The following CWC27 variants were observed in gnomAD, a reference collection of about 807,000 sequenced individuals.
The protein encoded by CWC27 is CWC27 spliceosome associated cyclophilin.
A neutral mutation model predicts 63.6 loss-of-function variants in CWC27; 47 were observed. That is an observed-to-expected ratio of 0.74 (90% CI 0.58 to 0.94). CWC27 has a LOEUF of 0.94. Ranked by LOEUF, CWC27 falls within the 40% of genes least tolerant of loss-of-function variation. CWC27 has a pLI of 0.00. For missense variants in CWC27, 495 were observed against 554.3 expected (o/e 0.89, Z 1.07); for synonymous variants, 175 against 179.8 (o/e 0.97, Z 0.22).
At chr5:64,803,378 A>G (rs954916445) in intron 9 of CWC27, among the ~76,000 whole-genome samples, 2 of 152,236 alleles carry the variant, frequency 1.3e-5, no homozygotes, top group Middle Eastern at 3.2e-3. Flanking sequence ...AGCAGTAAGC[A>G]AAACAGGCCA....
intron 10 of CWC27, among the ~76,000 whole-genome samples, chr5:64,836,506 A>C (rs1580658144): frequency 6.6e-6 from 1 of 152,010 alleles, no homozygotes; most frequent in Non-Finnish European, 1.5e-5. Flanking sequence ...CTTTAATAAT[A>C]CTACTGTTTG....
At chr5:64,993,520 G>C (rs1245846216) in intron 13 of CWC27, among the ~76,000 whole-genome samples, 1 of 152,016 alleles carries the variant, frequency 6.6e-6, no homozygotes, top group Non-Finnish European at 1.5e-5. Context: ...GCTGAATCCA[G>C]ATTACAAAAT....
chr5:64,792,672 C>A (rs1054387068), intron 7 of CWC27, among the ~76,000 whole-genome samples: 4 of 152,088 alleles, frequency 2.6e-5, no homozygotes, highest in African/African-American at 9.7e-5. Context: ...CAACATTATA[C>A]CCTTTACTTT....
chr5:64,900,953 C>T (rs1005606187), intron 11 of CWC27, among the ~76,000 whole-genome samples: 8 of 152,008 alleles, frequency 5.3e-5, no homozygotes, highest in Non-Finnish European at 4.4e-5. Context: ...TGTGCCCCAA[C>T]ACAAATTCAT....
intron 3 of CWC27, 117 bp from the exon 4 acceptor site, chr5:64,783,719 A>T: frequency 1.2e-6 from 1 of 843,872 alleles, no homozygotes. Flanking sequence ...AAATCAATTA[A>T]GTAAAATGTC....
intron 11 of CWC27, among the ~76,000 whole-genome samples, chr5:64,966,165 ATG>A (rs999205998): frequency 7.9e-5 from 12 of 152,216 alleles, no homozygotes; most frequent in African/African-American, 2.9e-4. Flanking sequence ...CACTTTTAGA[ATG>A]TGTATAGCTT....
intron 11 of CWC27, among the ~76,000 whole-genome samples, chr5:64,891,673 T>G (rs1373751856): frequency 2.0e-5 from 3 of 152,212 alleles, no homozygotes; most frequent in African/African-American, 7.2e-5. Context: ...CATATTTAAT[T>G]TTTATGAGCA....
intron 11 of CWC27, among the ~76,000 whole-genome samples, chr5:64,946,483 T>C (rs995030905): frequency 1.3e-5 from 2 of 152,156 alleles, no homozygotes; most frequent in South Asian, 2.1e-4. Context: ...GTGGATAAAA[T>C]AGATGTGCAT....
chr5:64,993,329 A>G (rs3776051), intron 13 of CWC27, among the ~76,000 whole-genome samples: 45,066 of 151,814 alleles, frequency 0.3, 7,439 homozygotes, highest in East Asian at 0.45. Flanking sequence ...TGATCTAATA[A>G]CCTCTAAGTA....
intron 11 of CWC27, among the ~76,000 whole-genome samples, chr5:64,926,445 C>T (rs1391962296): frequency 6.6e-6 from 1 of 151,590 alleles, no homozygotes; most frequent in African/African-American, 2.4e-5. Context: ...GCTTGCTGTA[C>T]ATTAGGATTT....
At chr5:64,877,076 A>G (rs1405814046) in intron 10 of CWC27, among the ~76,000 whole-genome samples, 2 of 151,998 alleles carry the variant, frequency 1.3e-5, no homozygotes, top group East Asian at 1.9e-4. Context: ...TTATTTAAAG[A>G]AAAGGAAATT....
At chr5:64,827,330 TG>T (rs1745390638) in intron 10 of CWC27, among the ~76,000 whole-genome samples, 1 of 152,172 alleles carries the variant, frequency 6.6e-6, no homozygotes, top group Non-Finnish European at 1.5e-5. Flanking sequence ...CTCATCGTAC[TG>T]GAATTTATCC....
At chr5:64,843,447 T>A (rs1254261461) in intron 10 of CWC27, among the ~76,000 whole-genome samples, 2 of 152,218 alleles carry the variant, frequency 1.3e-5, no homozygotes, top group African/African-American at 4.8e-5. Context: ...TTAACTCACA[T>A]TGAGACAGTT....
chr5:64,912,132 AGC>A (rs1344305292), intron 11 of CWC27, among the ~76,000 whole-genome samples: 6 of 151,978 alleles, frequency 3.9e-5, no homozygotes, highest in Non-Finnish European at 8.8e-5. Flanking sequence ...ATAGGTATAT[AGC>A]TTCAAATAAT....
At chr5:64,769,713 G>T (rs1255067606) in intron 1 of CWC27, among the ~76,000 whole-genome samples, 1 of 152,132 alleles carries the variant, frequency 6.6e-6, no homozygotes, top group African/African-American at 2.4e-5. Flanking sequence ...GAAGAGACCA[G>T]GTTGCTATGG....
intron 13 of CWC27, among the ~76,000 whole-genome samples, chr5:65,017,006 T>C (rs1012004163): frequency 6.6e-6 from 1 of 152,190 alleles, no homozygotes; most frequent in African/African-American, 2.4e-5. Context: ...AGGAAAAGAC[T>C]TAAGAGTTTT....
intron 11 of CWC27, among the ~76,000 whole-genome samples, chr5:64,957,603 A>G (rs1010727804): frequency 1.3e-5 from 2 of 152,196 alleles, no homozygotes. Flanking sequence ...ATAATCATTT[A>G]TATATTGCAG....
intron 10 of CWC27, among the ~76,000 whole-genome samples, chr5:64,820,452 CT>C (rs1188636712): frequency 1.3e-5 from 2 of 151,938 alleles, no homozygotes; most frequent in East Asian, 1.9e-4. Flanking sequence ...AAAAGAAATC[CT>C]TTTACAGAGT....
intron 11 of CWC27, among the ~76,000 whole-genome samples, chr5:64,902,938 T>C (rs1747541267): frequency 6.6e-6 from 1 of 152,246 alleles, no homozygotes; most frequent in Non-Finnish European, 1.5e-5. Flanking sequence ...TGTATATATT[T>C]GTCAGATTTC....
Sources: allele counts gnomAD v4.1 joint callset (sites outside exome capture counted in the v4.1 genomes callset), GRCh38; gene constraint gnomAD v4.1.1; transcripts MANE v1.5; gene names NCBI Gene and HGNC (gene_info 2026-07-23, HGNC 2026-07-21).